The following TPRG1 variants were observed in gnomAD, a reference collection of about 807,000 sequenced individuals.
The protein encoded by TPRG1 is tumor protein p63-regulated gene 1 protein.
Under a neutral mutation model 29.3 loss-of-function variants are expected in TPRG1, and 29 were observed. The observed-to-expected ratio is 0.99, with a 90% CI of 0.74 to 1.35. The LOEUF (loss-of-function observed/expected upper bound fraction) is 1.35, where lower values mean the gene tolerates loss of function less well. Among genes scored for constraint, TPRG1 ranks in the 40% most tolerant of loss-of-function variants. The pLI is 0.00. For synonymous variants in TPRG1, 130 were observed against 116.8 expected (o/e 1.11, Z -0.73); for missense variants, 327 against 335.0 (o/e 0.98, Z 0.19).
chr3:189,141,801 A>T (rs1000186788), intron 3 of TPRG1, among the ~76,000 whole-genome samples: 1 of 152,140 alleles, frequency 6.6e-6, no homozygotes, highest in African/African-American at 2.4e-5. Context: ...TATATTTTTT[A>T]TTGATTGATT....
intron 1 of TPRG1, among the ~76,000 whole-genome samples, chr3:189,181,177 C>A (rs865967236): frequency 6.6e-6 from 1 of 152,194 alleles, no homozygotes; most frequent in African/African-American, 2.4e-5. Flanking sequence ...TCTTAGGCCT[C>A]CCAGCCTGTG....
intron 4 of TPRG1, among the ~76,000 whole-genome samples, chr3:189,257,097 T>C (rs1483225476): frequency 6.6e-6 from 1 of 152,208 alleles, no homozygotes; most frequent in Non-Finnish European, 1.5e-5. Context: ...TTCTTCATAG[T>C]GTCAATGGTC....
At chr3:189,291,102 C>T (rs1370995809) in intron 4 of TPRG1, among the ~76,000 whole-genome samples, 1 of 152,040 alleles carries the variant, frequency 6.6e-6, no homozygotes, top group African/African-American at 2.4e-5. Flanking sequence ...GGGGTTTCAC[C>T]ATGTTAGCCA....
chr3:189,142,091 G>A (rs554065224), intron 3 of TPRG1, among the ~76,000 whole-genome samples: 5 of 152,202 alleles, frequency 3.3e-5, no homozygotes, highest in Non-Finnish European at 5.9e-5. Flanking sequence ...TGCTGAGCAG[G>A]TGGCTCCACT....
At chr3:189,056,338 T>C (rs1210132299) in intron 4 of TPRG1, among the ~76,000 whole-genome samples, 3 of 152,006 alleles carry the variant, frequency 2.0e-5, no homozygotes, top group African/African-American at 7.2e-5. Context: ...TCAAGTGACC[T>C]ACCCACCTCT....
intron 5 of TPRG1, among the ~76,000 whole-genome samples, chr3:189,153,651 C>T (rs572840313): frequency 3.3e-5 from 5 of 152,188 alleles, no homozygotes; most frequent in East Asian, 3.9e-4. Flanking sequence ...CTGCCATAGC[C>T]GGGAGATGGG....
rs1726082603 is a variant in TPRG1 at position 189,152,591 on chromosome 3, TAA to T, written c.-10+1723_-10+1724del. ...TAGGATTGCTACCAGCCATTATTAT[TAA>T]AAAGTAGGATTGCTACCCGCCATTA... On this transcript the variant is annotated intron_variant, in intron 5 of 6. Transcript: ENST00000412373. Among the ~76,000 whole-genome samples the T allele has an allele frequency of 2.0e-5, 3 of 150,468 alleles. No individual in the cohort carries two copies. In the South Asian group the frequency reaches 6.3e-4, roughly 32 times the overall value.
intron 4 of TPRG1, among the ~76,000 whole-genome samples, chr3:189,067,371 A>G (rs1435817801): frequency 6.6e-6 from 1 of 152,184 alleles, no homozygotes; most frequent in Non-Finnish European, 1.5e-5. Flanking sequence ...AGTCTGTCCT[A>G]AGCAAAAAGA....
intron 4 of TPRG1, among the ~76,000 whole-genome samples, chr3:189,089,957 C>G (rs1275150765): frequency 6.6e-6 from 1 of 151,784 alleles, no homozygotes; most frequent in Admixed American, 6.6e-5. Context: ...TTCAAGGAAG[C>G]AGCTATTGGG....
chr3:189,076,458 A>C (rs1049707056), intron 4 of TPRG1, among the ~76,000 whole-genome samples: 6 of 151,986 alleles, frequency 3.9e-5, no homozygotes, highest in African/African-American at 1.4e-4. Flanking sequence ...AGTATGCTCC[A>C]TTCTCAGCAA....
At chr3:189,112,444 C>A (rs1207916358) in intron 1 of TPRG1, among the ~76,000 whole-genome samples, 1 of 152,150 alleles carries the variant, frequency 6.6e-6, no homozygotes, top group Admixed American at 6.5e-5. Context: ...ACGTGAAGTC[C>A]TTGCCCAAGC....
intron 3 of TPRG1, among the ~76,000 whole-genome samples, chr3:189,015,741 G>GC (rs1257545236): frequency 1.3e-5 from 2 of 152,290 alleles, no homozygotes; most frequent in East Asian, 3.9e-4. Context: ...GAGGGTGCAA[G>GC]CCCCCCAGAC....
intron 1 of TPRG1, among the ~76,000 whole-genome samples, chr3:189,118,484 TG>T (rs1721437014): frequency 6.6e-6 from 1 of 151,706 alleles, no homozygotes; most frequent in Non-Finnish European, 1.5e-5. Context: ...ACCAAGACAA[TG>T]GGGGAAAATG....
intron 2 of TPRG1, among the ~76,000 whole-genome samples, chr3:189,208,779 C>G (rs1734806743): frequency 6.6e-6 from 1 of 152,176 alleles, no homozygotes; most frequent in South Asian, 2.1e-4. Context: ...ATCAAAGCAT[C>G]TCTTGGAGTT....
intron 3 of TPRG1, among the ~76,000 whole-genome samples, chr3:189,013,798 G>C (rs1350538261): frequency 2.6e-5 from 4 of 151,734 alleles, no homozygotes; most frequent in Non-Finnish European, 4.4e-5. Flanking sequence ...GTCTTTTTTT[G>C]ACTTTTGTTG....
At chr3:189,093,196 C>G (rs7630543) in intron 4 of TPRG1, among the ~76,000 whole-genome samples, 25,045 of 151,814 alleles carry the variant, frequency 0.16, 3,965 homozygotes, top group African/African-American at 0.42. Context: ...GAGAGAGCGT[C>G]AATAAAGAGA....
At position 189,324,379 on chromosome 3, in the gene TPRG1, T is replaced by C. The variant is rs756888350; in HGVS notation, c.*3559T>C. The C allele has an allele frequency of 6.6e-6, 1 of 152,166 alleles. No homozygotes were observed. Among genetic ancestry groups the C allele is most frequent in the Non-Finnish European group, 1.5e-5 (1 of 68,038 alleles). The allele number at this position is 152,166 out of a possible 1,614,324, so 9.4% of individuals were successfully genotyped here. On this transcript the variant is annotated 3_prime_UTR_variant, in exon 6 of 6. Coordinates refer to ENST00000345063, the MANE Select transcript of TPRG1 (RefSeq NM_198485.4). ...TTTCTATCCCTAGCCCACTGCTCTT[T>C]CCAATATAATATCTGTATTCCATGG... is the stretch of plus-strand genomic sequence containing the variant.
intron 2 of TPRG1, among the ~76,000 whole-genome samples, chr3:189,130,306 T>C (rs964765579): frequency 1.3e-5 from 2 of 152,208 alleles, no homozygotes; most frequent in African/African-American, 4.8e-5. Flanking sequence ...GATCCATGAT[T>C]CCTTTCTGCC....
intron 5 of TPRG1, 75 bp downstream of exon 5, chr3:189,310,614 C>A: frequency 2.5e-6 from 2 of 788,298 alleles, no homozygotes; most frequent in Non-Finnish European, 3.7e-6. Flanking sequence ...ACGTGTACTC[C>A]TAAACAAAAC....
Sources: allele counts gnomAD v4.1 joint callset (sites outside exome capture counted in the v4.1 genomes callset), GRCh38; gene constraint gnomAD v4.1.1; transcripts MANE v1.5; gene names NCBI Gene and HGNC (gene_info 2026-07-23, HGNC 2026-07-21).